Variants in HERC1 observed in about 807,000 individuals in gnomAD.
HERC1 encodes the protein probable E3 ubiquitin-protein ligase HERC1.
In HERC1, 160 loss-of-function variants were observed where a neutral mutation model predicts 554.3. That is an observed-to-expected ratio of 0.29 (90% CI 0.25 to 0.33). HERC1 has a LOEUF of 0.33. HERC1 is among the 10% of genes least tolerant of loss of function. HERC1 has a pLI of 1.00. For missense variants in HERC1, 4,919 were observed against 5,918.5 expected, an observed-to-expected ratio of 0.83 and a Z score of 5.54; for synonymous variants, 2,175 against 2,131.7, an observed-to-expected ratio of 1.02 and a Z score of -0.56.
intron 7 of HERC1, among the ~76,000 whole-genome samples, chr15:63,754,242 C>T (rs768028493): frequency 6.6e-5 from 10 of 150,712 alleles, no homozygotes; most frequent in African/African-American, 2.4e-4. Flanking sequence ...ATAAAACATA[C>T]ACATGTAGGT....
chr15:63,698,336 T>C (rs2072541037), intron 26 of HERC1, among the ~76,000 whole-genome samples: 1 of 150,528 alleles, frequency 6.6e-6, no homozygotes, highest in African/African-American at 2.5e-5. Flanking sequence ...GAGAATCACT[T>C]GAACCCAGGA....
intron 74 of HERC1, among the ~76,000 whole-genome samples, chr15:63,617,811 T>A (rs1355369651): frequency 6.6e-6 from 1 of 152,248 alleles, no homozygotes; most frequent in Non-Finnish European, 1.5e-5. Context: ...TGTCTTCTTT[T>A]GAGAAGTGTC....
rs1206278700 is a variant in HERC1 at position 63,680,850 on chromosome 15, T to C, written c.6226-74A>G. On this transcript the variant is annotated intron_variant, in intron 34 of 77. Transcript: ENST00000443617. The surrounding 1 kb of genome is among the most constrained non-coding windows in gnomAD (Gnocchi z 5.8). ...TACTATTAACTGCATTAACCAATAC[T>C]GAAAATATGTTTATAAATAATACTA... is the stretch of plus-strand genomic sequence containing the variant. 6.2e-6 allele frequency: 6 copies of C among 961,152 alleles called. No individual in the cohort carries two copies. Among genetic ancestry groups the C allele is most frequent in the Admixed American group, 2.0e-5 (1 of 48,836 alleles). 59.5% of individuals were successfully genotyped at this position (961,152 alleles called of 1,614,324 possible).
intron 34 of HERC1, among the ~76,000 whole-genome samples, chr15:63,685,499 G>A (rs1292230441): frequency 3.3e-5 from 5 of 152,222 alleles, no homozygotes; most frequent in Non-Finnish European, 7.3e-5. Flanking sequence ...GTTGTCCAGT[G>A]CTAAATTGAT....
chr15:63,613,524 T>A (rs998202489), intron 76 of HERC1, among the ~76,000 whole-genome samples: 2 of 152,186 alleles, frequency 1.3e-5, no homozygotes, highest in African/African-American at 4.8e-5. Context: ...AGAATCTGAA[T>A]AGGGACCATA....
chr15:63,743,263 CTTTTTTTT>C (rs71131177), intron 12 of HERC1, among the ~76,000 whole-genome samples: 1 of 109,182 alleles, frequency 9.2e-6, no homozygotes, highest in Admixed American at 1.1e-4. Flanking sequence ...TTTTCTTTTT[CTTTTTTTT>C]TTTTTTTTTT....
At chr15:63,619,453 T>C (rs76453046) in intron 74 of HERC1, among the ~76,000 whole-genome samples, 68,713 of 151,870 alleles carry the variant, frequency 0.45, 16,597 homozygotes, top group Non-Finnish European at 0.54. Context: ...TGGTCTAAAA[T>C]TCTCTTTTTT....
chr15:63,656,316 C>T lies in HERC1; in HGVS notation c.9642G>A (p.Gly3214=). Residue 3214 remains glycine (G), a synonymous_variant, in exon 49 of 78, where the codon GGG becomes GGA. Transcript: ENST00000443617. The part of the protein sequence containing the change: ...CSLAAGLESL[G]LTDIRTLVRL... Reference sequence around the variant, plus strand: ...GAACTAGCGTTCGGATATCTGTTAGCCCCAGAGACTCAAGACCAGCAGCCA... The same window carrying T: ...GAACTAGCGTTCGGATATCTGTTAGTCCCAGAGACTCAAGACCAGCAGCCA... 1 of 1,613,396 alleles carries T rather than the reference C, an allele frequency of 6.2e-7. No homozygotes were observed. The highest frequency in any genetic ancestry group is 1.3e-5 in the African/African-American group (1 of 75,068).
intron 72 of HERC1, 24 bp from the exon 73 acceptor site, chr15:63,623,914 A>G (rs371192259): frequency 6.2e-7 from 1 of 1,610,658 alleles, no homozygotes; most frequent in African/African-American, 1.3e-5. Flanking sequence ...GGAGAAAGCA[A>G]TGAAATACAA....
intron 1 of HERC1, among the ~76,000 whole-genome samples, chr15:63,829,507 C>T (rs1596343028): frequency 8.9e-6 from 1 of 112,994 alleles, no homozygotes; most frequent in African/African-American, 3.3e-5. Flanking sequence ...TATACACACA[C>T]ACACATATAT....
In HERC1 at chr15:63,655,834, T is replaced by A. The variant is rs762730583; in HGVS notation, c.9992A>T (p.Asn3331Ile). ...CACAAGGGCCTGTGTTACAACAAAG[T>A]TTGGGGAGGTCACAAGCTTGTTCTC... ...AEENKLVTSP[N>I]FVVTQALVAL... is the part of the protein sequence containing the mutation. The change falls in exon 50 of 78, where the codon AAC (asparagine) becomes ATC (isoleucine). Residue 3331 changes from asparagine to isoleucine, a missense_variant. Physicochemically the swap from Asn to Ile is moderately radical, Grantham distance 149 (BLOSUM62 -3). Around this residue, in one of 11 missense-constraint regions of HERC1, gnomAD observed 1,963 missense variants for 2,228.6 expected, o/e 0.88. Coordinates refer to ENST00000443617, the MANE Select transcript of HERC1 (RefSeq NM_003922.4). 1 of 1,602,630 alleles carries A rather than the reference T, an allele frequency of 6.2e-7. No individual in the cohort carries two copies.
Position 63,645,016 on chromosome 15 carries a change from C to A in HERC1, c.11160G>T (p.Trp3720Cys). 6.2e-7 allele frequency: 1 copy of A among 1,613,190 alleles called. No homozygotes were observed. The highest frequency in any genetic ancestry group is 8.5e-7 in the Non-Finnish European group (1 of 1,179,228). ...TQTNVTSAEG[W>C]WEQESNCQDG... ...CCTGGCAATTTGATTCCTGCTCCCA[C>A]CATCCTTCTGCACTAGTCACATTGG... Residue 3720 changes from tryptophan (W) to cysteine (C), a missense_variant, in exon 57 of 78, where the codon TGG becomes TGT. Trp to Cys is a radical substitution (Grantham distance 215). Coordinates refer to ENST00000443617, the MANE Select transcript of HERC1 (RefSeq NM_003922.4).
intron 4 of HERC1, among the ~76,000 whole-genome samples, chr15:63,757,262 CTTTTTTTTTTTTT>C (rs56196711): frequency 3.2e-4 from 34 of 107,884 alleles, no homozygotes; most frequent in African/African-American, 1.1e-3. Context: ...TTTTTATTTA[CTTTTTTTTTTTTT>C]TTTTTTTGAG....
At chr15:63,649,595 A>T (rs923322129) in intron 54 of HERC1, 130 bp downstream of exon 54, 1 of 691,860 alleles carries the variant, frequency 1.4e-6, no homozygotes, top group Admixed American at 2.9e-5. Flanking sequence ...AAATTAAAAC[A>T]TGACTGGAAA....
intron 53 of HERC1, among the ~76,000 whole-genome samples, chr15:63,650,756 T>C (rs1159115644): frequency 6.6e-6 from 1 of 152,194 alleles, no homozygotes; most frequent in Non-Finnish European, 1.5e-5. Flanking sequence ...TCCTCAAATG[T>C]CACACAGAAG....
intron 18 of HERC1, 46 bp from the exon 19 acceptor site, chr15:63,723,401 G>A: frequency 3.0e-6 from 4 of 1,322,372 alleles, no homozygotes; most frequent in East Asian, 2.5e-5. Context: ...ATAAATTTTG[G>A]TGCTACAGAT....
At chr15:63,637,220 C>T (rs1456662754) in intron 64 of HERC1, 2 of 509,674 alleles carry the variant, frequency 3.9e-6, no homozygotes, top group East Asian at 4.8e-5. Flanking sequence ...TTAACATCTG[C>T]CTACTTACAC....
chr15:63,804,880 C>T (rs979114320), intron 1 of HERC1, among the ~76,000 whole-genome samples: 2 of 152,110 alleles, frequency 1.3e-5, no homozygotes, highest in African/African-American at 4.8e-5. Context: ...ATTGAAACCA[C>T]AACAAGATAC....
chr15:63,747,024 G>C lies in HERC1; in HGVS notation c.2414C>G (p.Ala805Gly). The C allele has an allele frequency of 6.3e-7, 1 of 1,592,562 alleles. No homozygotes were observed. Among genetic ancestry groups the C allele is most frequent in the Admixed American group, 1.8e-5 (1 of 56,938 alleles). ...LKLLSNHLAL[A>G]LAGGVATSIL... is the part of the protein sequence containing the mutation. ...GCTGGTAGCTACCCCTCCCGCAAGT[G>C]CAAGAGCAAGGTGATTTGAAAGTAG... The change falls in exon 12 of 78, where the codon GCA becomes GGA. Residue 805 changes from alanine (A) to glycine (G), a missense_variant. Coordinates refer to ENST00000443617, the MANE Select transcript of HERC1 (RefSeq NM_003922.4).
Sources: allele counts gnomAD v4.1 joint callset (sites outside exome capture counted in the v4.1 genomes callset), GRCh38; gene constraint gnomAD v4.1.1; regional missense constraint gnomAD v4.1.1; non-coding constraint Gnocchi (gnomAD v3.1); transcripts MANE v1.5; gene names NCBI Gene and HGNC (gene_info 2026-07-23, HGNC 2026-07-21).